ANO1: variants seen among roughly 807,000 people sequenced by gnomAD.
ANO1 encodes the protein anoctamin-1.
Under a neutral mutation model 124.0 loss-of-function variants are expected in ANO1, and 59 were observed. The ratio of observed to expected loss-of-function variants is 0.48; its 90% CI spans 0.39 to 0.59. The LOEUF (loss-of-function observed/expected upper bound fraction) is 0.59, where lower values mean the gene tolerates loss of function less well. ANO1 is among the 20% of genes least tolerant of loss of function. The probability of loss-of-function intolerance (pLI) is 0.00; values close to 1 mark genes in which losing one functional copy is unlikely to be tolerated. For synonymous variants in ANO1, 529 were observed against 532.0 expected (o/e 0.99, Z 0.08); for missense variants, 1,059 against 1,328.0 (o/e 0.80, Z 3.15).
intron 11 of ANO1, among the ~76,000 whole-genome samples, chr11:70,147,548 G>A (rs542859422): frequency 2.0e-5 from 3 of 152,328 alleles, no homozygotes; most frequent in African/African-American, 7.2e-5. Flanking sequence ...TCTGCATCAT[G>A]GGGAGGCGCG....
chr11:69,992,647 A>T (rs528002924), intron 1 of ANO1, among the ~76,000 whole-genome samples: 7 of 152,292 alleles, frequency 4.6e-5, no homozygotes, highest in African/African-American at 1.7e-4. Context: ...TCACTAATTC[A>T]GCTGCTGCCT....
chr11:70,096,859 T>A (rs1210106799), intron 2 of ANO1, among the ~76,000 whole-genome samples: 1 of 151,524 alleles, frequency 6.6e-6, no homozygotes, highest in East Asian at 1.9e-4. Flanking sequence ...GGACTCTGTC[T>A]CAAAAAATAA....
At chr11:70,046,253 T>C (rs569959482) in intron 1 of ANO1, among the ~76,000 whole-genome samples, 1 of 152,294 alleles carries the variant, frequency 6.6e-6, no homozygotes, top group South Asian at 2.1e-4. Flanking sequence ...GCAGGACTCT[T>C]GGACTCTTTT....
chr11:70,062,319 C>T (rs181823056), intron 1 of ANO1, among the ~76,000 whole-genome samples: 1 of 152,198 alleles, frequency 6.6e-6, no homozygotes, highest in East Asian at 1.9e-4. Context: ...TCAGGTGATC[C>T]ATCCGCTTCG....
chr11:69,966,626 G>A, the ANO1 span, among the ~76,000 whole-genome samples: 5 of 152,226 alleles, frequency 3.3e-5, no homozygotes, highest in South Asian at 2.1e-4. Context: ...AGGAGACAGC[G>A]CTGGACCCTC....
rs761469640 is a variant in ANO1, at chr11:70,124,403, C to T, written c.951C>T (p.Ile317=). The T allele has an allele frequency of 2.9e-5, 47 of 1,613,634 alleles. No homozygotes were observed. The highest frequency in any genetic ancestry group is 3.6e-5 in the Non-Finnish European group (42 of 1,179,866). ...GAGTTTTCTATAAGTACCAGCCCAT[C>T]GACCTGGTCAGGTAAGAACGCGCCA... The part of the protein sequence containing the change: ...RYGVFYKYQP[I]DLVRKYFGEK... Residue 317 remains isoleucine (I), a synonymous_variant, in exon 9 of 26, where the codon ATC becomes ATT. Transcript: ENST00000355303.
chr11:70,116,491 G>T lies in ANO1; in HGVS notation c.889G>T (p.Asp297Tyr). Residue 297 changes from aspartate (D) to tyrosine (Y), a missense_variant, in exon 8 of 26, where the codon GAC (aspartate) becomes TAC (tyrosine). Physicochemically the swap from Asp to Tyr is radical, Grantham distance 160. Transcript: ENST00000355303. The part of the protein sequence containing the change: ...DYNGENVEFN[D>Y]RKLLYEEWAR... Reference sequence around the variant, plus strand: ...CAACGGTGAAAACGTCGAGTTCAACGACAGAAAAGTAAGTTGATGGAGCGG... The same window carrying T: ...CAACGGTGAAAACGTCGAGTTCAACTACAGAAAAGTAAGTTGATGGAGCGG... The T allele has an allele frequency of 6.3e-7, 1 of 1,596,640 alleles. No homozygotes were observed. Among genetic ancestry groups the T allele is most frequent in the Admixed American group, 1.7e-5 (1 of 57,362 alleles).
At chr11:70,057,308 G>C (rs1306124331) in intron 1 of ANO1, among the ~76,000 whole-genome samples, 1 of 152,132 alleles carries the variant, frequency 6.6e-6, no homozygotes, top group East Asian at 1.9e-4. Context: ...GTTTCTCTCA[G>C]GGTTGGAGAT....
chr11:70,075,336 C>T (rs1385349583), upstream of ANO1: 8 of 152,156 alleles, frequency 5.3e-5, no homozygotes, highest in African/African-American at 1.9e-4. Flanking sequence ...TGCTTGCATC[C>T]CCGGTGACTA....
At chr11:70,023,567 C>G (rs142561205) in intron 1 of ANO1, among the ~76,000 whole-genome samples, 87 of 152,294 alleles carry the variant, frequency 5.7e-4, no homozygotes, top group Non-Finnish European at 1.0e-3. Context: ...CTGAGATGGT[C>G]TAGTCGCTGC....
chr11:70,095,427 A>AAAGAAAGAAAG (rs10667749), intron 2 of ANO1, among the ~76,000 whole-genome samples: 7 of 30,660 alleles, frequency 2.3e-4, no homozygotes, highest in Non-Finnish European at 3.0e-4. Context: ...AGAAAGAAAG[A>AAAGAAAGAAAG]AAAGAAAAGA....
intron 1 of ANO1, among the ~76,000 whole-genome samples, chr11:70,039,970 G>A (rs1440357734): frequency 6.6e-6 from 1 of 152,158 alleles, no homozygotes; most frequent in Admixed American, 6.5e-5. Context: ...GACCCAGAAG[G>A]AGTAGCAGAG....
chr11:69,974,651 C>T, the ANO1 span, among the ~76,000 whole-genome samples: 1 of 152,182 alleles, frequency 6.6e-6, no homozygotes, highest in Non-Finnish European at 1.5e-5. Flanking sequence ...CTCAGTGTAC[C>T]TCCCCACATT....
chr11:70,165,084 T>C (rs887927823), intron 19 of ANO1, among the ~76,000 whole-genome samples: 1 of 152,166 alleles, frequency 6.6e-6, no homozygotes. Context: ...TCAAGGGTTC[T>C]AGGGGAGGAC....
intron 6 of ANO1, among the ~76,000 whole-genome samples, chr11:70,109,517 G>A (rs1212198477): frequency 6.6e-6 from 1 of 152,198 alleles, no homozygotes; most frequent in African/African-American, 2.4e-5. Flanking sequence ...CCTCTAGAAT[G>A]GCCAAGCCCT....
intron 1 of ANO1, among the ~76,000 whole-genome samples, chr11:70,032,589 C>A (rs1857022381): frequency 6.6e-6 from 1 of 151,588 alleles, no homozygotes; most frequent in African/African-American, 2.4e-5. Flanking sequence ...AAGGGGTGGG[C>A]AAGGGAGGAG....
chr11:70,131,858 C>T (rs1321636213), intron 10 of ANO1, 61 bp from the exon 11 acceptor site: 3 of 1,548,638 alleles, frequency 1.9e-6, no homozygotes, highest in Non-Finnish European at 2.6e-6. Flanking sequence ...CAGCTCGGCA[C>T]CCAGGAGGTG....
At chr11:70,182,814 AG>A (rs1324470048) in intron 24 of ANO1, 128 bp downstream of exon 24, 3 of 936,534 alleles carry the variant, frequency 3.2e-6, no homozygotes, top group South Asian at 5.1e-5. Context: ...AAGAAGAAGA[AG>A]GAAAAAAAAA....
chr11:70,058,004 G>A (rs782679898), intron 1 of ANO1, among the ~76,000 whole-genome samples: 1 of 152,214 alleles, frequency 6.6e-6, no homozygotes, highest in Non-Finnish European at 1.5e-5. Flanking sequence ...GATTGTGGTG[G>A]CATGGGTAAT....
Sources: gnomAD v4.1 joint callset for allele counts (sites outside exome capture counted in the v4.1 genomes callset) on GRCh38, gnomAD v4.1.1 for gene constraint, MANE v1.5 for transcripts, NCBI Gene and HGNC (gene_info 2026-07-23, HGNC 2026-07-21) for gene names.